The following LHPP variants were observed in gnomAD, a reference collection of about 807,000 sequenced individuals.
LHPP encodes the protein phospholysine phosphohistidine inorganic pyrophosphate phosphatase.
Under a neutral mutation model 30.3 loss-of-function variants are expected in LHPP, and 24 were observed. That is an observed-to-expected ratio of 0.79 (90% CI 0.57 to 1.11). The LOEUF (loss-of-function observed/expected upper bound fraction) is 1.11, where lower values mean the gene tolerates loss of function less well. Among genes scored for constraint, LHPP ranks in the 50% most tolerant of loss-of-function variants. The probability of loss-of-function intolerance (pLI) is 0.00; values close to 1 mark genes in which losing one functional copy is unlikely to be tolerated. For missense variants in LHPP, 356 were observed against 367.2 expected (o/e 0.97, Z 0.25); for synonymous variants, 150 against 157.1 (o/e 0.95, Z 0.34).
intron 1 of LHPP, among the ~76,000 whole-genome samples, chr10:124,469,012 A>G (rs1446953202): frequency 6.6e-6 from 1 of 152,210 alleles, no homozygotes; most frequent in Non-Finnish European, 1.5e-5. Context: ...GGAAGCCTTC[A>G]TGGAGCAGGC....
intron 6 of LHPP, among the ~76,000 whole-genome samples, chr10:124,570,656 C>T (rs1457706539): frequency 6.6e-6 from 1 of 152,208 alleles, no homozygotes; most frequent in African/African-American, 2.4e-5. Flanking sequence ...TAGCAGCCTC[C>T]AGCCTCTTTC....
intron 5 of LHPP, among the ~76,000 whole-genome samples, chr10:124,500,948 G>T (rs973400784): frequency 2.0e-5 from 3 of 151,926 alleles, no homozygotes. Context: ...CTTGTACACA[G>T]ATATTCATAG....
intron 6 of LHPP, among the ~76,000 whole-genome samples, chr10:124,537,701 C>G (rs1157198621): frequency 6.6e-6 from 1 of 152,248 alleles, no homozygotes; most frequent in East Asian, 1.9e-4. Context: ...CCAGGTGGCC[C>G]AGGAGCTGGC....
At chr10:124,486,915 T>G (rs1394571936) in intron 2 of LHPP, among the ~76,000 whole-genome samples, 1 of 152,258 alleles carries the variant, frequency 6.6e-6, no homozygotes, top group African/African-American at 2.4e-5. Context: ...CAGGAGCCAG[T>G]CCTGAAGACA....
intron 1 of LHPP, among the ~76,000 whole-genome samples, chr10:124,466,966 A>G (rs1589749242): frequency 6.6e-6 from 1 of 151,594 alleles, no homozygotes; most frequent in African/African-American, 2.4e-5. Flanking sequence ...TCTACAAAAA[A>G]TACAAAAATT....
intron 6 of LHPP, among the ~76,000 whole-genome samples, chr10:124,595,792 T>G (rs573784471): frequency 7.6e-4 from 115 of 152,254 alleles, no homozygotes; most frequent in Non-Finnish European, 1.4e-3. Flanking sequence ...CACTTAAAAA[T>G]AAATAAATAA....
In LHPP at chr10:124,590,087, G is replaced by A. The variant is rs886338446; in HGVS notation, c.717-23177G>A. Among the ~76,000 whole-genome samples the A allele has an allele frequency of 1.3e-5, 2 of 152,150 alleles. No homozygotes were observed. Among genetic ancestry groups the A allele is most frequent in the Non-Finnish European group, 2.9e-5 (2 of 68,022 alleles). On this transcript the variant is annotated intron_variant, in intron 6 of 6. Coordinates refer to ENST00000368842, the MANE Select transcript of LHPP (RefSeq NM_022126.4). The surrounding 1 kb of genome is among the most constrained non-coding windows in gnomAD (Gnocchi z 4.3). ...TGGCTTTGCAGGTTTTTTATCCATC[G>A]TTCTTTCCAAAGAATAGTGTGAACA...
chr10:124,497,775 C>T (rs1953770045), intron 4 of LHPP, among the ~76,000 whole-genome samples: 1 of 152,164 alleles, frequency 6.6e-6, no homozygotes, highest in African/African-American at 2.4e-5. Flanking sequence ...TGTAGTTTTG[C>T]CAGCTCTTGG....
Position 124,576,327 on chromosome 10 carries a change from G to A in LHPP, c.717-36937G>A, listed in dbSNP as rs1236932840. Among the ~76,000 whole-genome samples, 1 of 152,116 alleles carries A rather than the reference G, an allele frequency of 6.6e-6. No individual in the cohort carries two copies. Among genetic ancestry groups the A allele is most frequent in the Non-Finnish European group, 1.5e-5 (1 of 67,994 alleles). On this transcript the variant is annotated intron_variant, in intron 6 of 6. Transcript: ENST00000368842. The surrounding 1 kb of genome is among the most constrained non-coding windows in gnomAD (Gnocchi z 4.2). The stretch of plus-strand genomic sequence containing the variant: ...AGTGTGGGGTATGAGGCAGCATGTG[G>A]GGGCGCTGGGGTGGCAGCAGGGCCA...
At chr10:124,584,503 T>A (rs1320258564) in intron 6 of LHPP, among the ~76,000 whole-genome samples, 1 of 152,102 alleles carries the variant, frequency 6.6e-6, no homozygotes, top group Non-Finnish European at 1.5e-5. Context: ...TCTTGGTTTG[T>A]CCTCACGTGG....
At chr10:124,553,217 T>C (rs902944797) in intron 6 of LHPP, among the ~76,000 whole-genome samples, 1 of 152,180 alleles carries the variant, frequency 6.6e-6, no homozygotes, top group Non-Finnish European at 1.5e-5. Flanking sequence ...ACACGGCTGA[T>C]TTTCTGGCTC....
At chr10:124,540,118 A>C (rs1038860601) in intron 6 of LHPP, among the ~76,000 whole-genome samples, 2 of 152,136 alleles carry the variant, frequency 1.3e-5, no homozygotes, top group African/African-American at 4.8e-5. Flanking sequence ...GTTTACCTGC[A>C]GGTGCCCTGG....
intron 6 of LHPP, among the ~76,000 whole-genome samples, chr10:124,552,444 G>A (rs1564826546): frequency 6.6e-6 from 1 of 152,036 alleles, no homozygotes. Context: ...AGATCCACAT[G>A]GAGCTGTCTA....
intron 6 of LHPP, among the ~76,000 whole-genome samples, chr10:124,582,006 TCTC>T (rs1948749359): frequency 6.6e-6 from 1 of 152,046 alleles, no homozygotes; most frequent in African/African-American, 2.4e-5. Context: ...ATGGTCTCGA[TCTC>T]CTGACCTCGT....
At chr10:124,613,180 C>T in intron 6 of LHPP, 84 bp from the exon 7 acceptor site, 1 of 1,068,918 alleles carries the variant, frequency 9.4e-7, no homozygotes, top group Non-Finnish European at 1.5e-6. Context: ...TAAGGCCAGG[C>T]CCATGTTAGA....
chr10:124,542,256 C>T (rs763656652), intron 6 of LHPP, among the ~76,000 whole-genome samples: 1 of 152,196 alleles, frequency 6.6e-6, no homozygotes, highest in Non-Finnish European at 1.5e-5. Flanking sequence ...TGACCCCAGG[C>T]TGTGGGACTC....
chr10:124,503,500 T>C lies in LHPP; in HGVS notation c.624+5372T>C, dbSNP rs990241500. ...TATTTAAAGCTGCTGGGAATAATTCTTTTTTGTGGGTGGTATTCCCCCAAG... is the reference window on the plus strand; with the variant it reads ...TATTTAAAGCTGCTGGGAATAATTCCTTTTTGTGGGTGGTATTCCCCCAAG... On this transcript the variant is annotated intron_variant, in intron 5 of 6. Coordinates refer to ENST00000368842, the MANE Select transcript of LHPP (RefSeq NM_022126.4). Among the ~76,000 whole-genome samples the C allele has an allele frequency of 5.9e-5, 9 of 152,010 alleles. 1 individual carries two copies. Among genetic ancestry groups the C allele is most frequent in the African/African-American group, 2.2e-4 (9 of 41,254 alleles).
chr10:124,599,000 C>G (rs1189545721), intron 6 of LHPP, among the ~76,000 whole-genome samples: 1 of 112,668 alleles, frequency 8.9e-6, no homozygotes, highest in East Asian at 2.0e-4. Context: ...CATCTCTGCC[C>G]ATCCATCCAT....
intron 5 of LHPP, among the ~76,000 whole-genome samples, chr10:124,514,075 C>A (rs145272383): frequency 3.3e-5 from 5 of 152,330 alleles, no homozygotes; most frequent in Admixed American, 2.6e-4. Context: ...GGAGCTCCTA[C>A]TTCTGGAAGG....
Sources: gnomAD v4.1 joint callset for allele counts (sites outside exome capture counted in the v4.1 genomes callset) on GRCh38, gnomAD v4.1.1 for gene constraint, Gnocchi (gnomAD v3.1) non-coding constraint, MANE v1.5 for transcripts, NCBI Gene and HGNC (gene_info 2026-07-23, HGNC 2026-07-21) for gene names.